Variants in TMTC2 observed in about 807,000 individuals in gnomAD.
TMTC2 encodes the protein protein O-mannosyl-transferase TMTC2.
Under a neutral mutation model 82.4 loss-of-function variants are expected in TMTC2, and 43 were observed. That is an observed-to-expected ratio of 0.52 (90% CI 0.41 to 0.67). The LOEUF is 0.67. TMTC2 is among the 30% of genes least tolerant of loss of function. The pLI is 0.00. For synonymous variants in TMTC2, 408 were observed against 381.9 expected (o/e 1.07, Z -0.80); for missense variants, 919 against 1,012.4 (o/e 0.91, Z 1.25).
At chr12:82,696,184 C>A (rs879711168) in intron 1 of TMTC2, among the ~76,000 whole-genome samples, 1 of 152,124 alleles carries the variant, frequency 6.6e-6, no homozygotes, top group African/African-American at 2.4e-5. Context: ...GATGAAGAAG[C>A]TTAATCAGGC....
chr12:82,939,621 A>G (rs1876593958), intron 4 of TMTC2, among the ~76,000 whole-genome samples: 1 of 152,198 alleles, frequency 6.6e-6, no homozygotes, highest in South Asian at 2.1e-4. Flanking sequence ...AAATTTACCT[A>G]AAGTGGATAT....
chr12:83,034,423 G>A (rs1316898076), intron 9 of TMTC2, among the ~76,000 whole-genome samples: 2 of 152,158 alleles, frequency 1.3e-5, no homozygotes, highest in Non-Finnish European at 2.9e-5. Flanking sequence ...ATGGGAGGAA[G>A]GGAGGCCACA....
At chr12:83,066,584 TAG>T (rs1049161146) in intron 11 of TMTC2, among the ~76,000 whole-genome samples, 2 of 151,838 alleles carry the variant, frequency 1.3e-5, no homozygotes, top group Non-Finnish European at 2.9e-5. Flanking sequence ...TTTGAGGAAA[TAG>T]AGTTGGGAGA....
At chr12:83,129,205 A>G (rs1225029098) in intron 11 of TMTC2, among the ~76,000 whole-genome samples, 2 of 152,216 alleles carry the variant, frequency 1.3e-5, no homozygotes, top group African/African-American at 4.8e-5. Flanking sequence ...ATGTTGAATA[A>G]TATTCTTAAA....
chr12:83,080,620 C>T (rs994885849), intron 11 of TMTC2, among the ~76,000 whole-genome samples: 7 of 152,136 alleles, frequency 4.6e-5, no homozygotes, highest in Admixed American at 1.3e-4. Flanking sequence ...CCCAGGCAGC[C>T]GGGTTTTTGA....
chr12:82,710,327 A>G (rs1195104542), intron 1 of TMTC2, among the ~76,000 whole-genome samples: 1 of 152,238 alleles, frequency 6.6e-6, no homozygotes, highest in Non-Finnish European at 1.5e-5. Flanking sequence ...TAAGAAAAAC[A>G]TGGCTTCCAA....
intron 1 of TMTC2, among the ~76,000 whole-genome samples, chr12:82,745,267 G>A (rs1875627231): frequency 1.3e-5 from 2 of 152,230 alleles, no homozygotes; most frequent in African/African-American, 4.8e-5. Context: ...TGGCTGTTCT[G>A]GAGATGGACA....
chr12:83,101,692 T>C (rs1884221516), intron 11 of TMTC2, among the ~76,000 whole-genome samples: 1 of 152,196 alleles, frequency 6.6e-6, no homozygotes, highest in Non-Finnish European at 1.5e-5. Context: ...TTACCGCCTT[T>C]GTTACCTTGA....
At chr12:83,030,209 T>C (rs772829856) in intron 8 of TMTC2, among the ~76,000 whole-genome samples, 1 of 152,180 alleles carries the variant, frequency 6.6e-6, no homozygotes, top group Non-Finnish European at 1.5e-5. Flanking sequence ...AGAATGAGGT[T>C]ACATAACAAT....
chr12:83,028,630 T>G (rs970600571), intron 8 of TMTC2, among the ~76,000 whole-genome samples: 2 of 152,186 alleles, frequency 1.3e-5, no homozygotes, highest in Non-Finnish European at 1.5e-5. Flanking sequence ...CTGTCCTCTT[T>G]TTTTTTTATT....
chr12:83,083,099 G>A (rs1883529154), intron 11 of TMTC2, among the ~76,000 whole-genome samples: 1 of 152,168 alleles, frequency 6.6e-6, no homozygotes, highest in African/African-American at 2.4e-5. Flanking sequence ...GCTTTTTACG[G>A]GAATGGGTAA....
intron 8 of TMTC2, among the ~76,000 whole-genome samples, chr12:83,016,705 G>C (rs1467984517): frequency 1.3e-5 from 2 of 152,082 alleles, no homozygotes; most frequent in African/African-American, 4.8e-5. Flanking sequence ...ATGATTCCTG[G>C]TAGTGAACTT....
At chr12:83,062,806 A>C (rs1016811647) in intron 11 of TMTC2, among the ~76,000 whole-genome samples, 1 of 151,832 alleles carries the variant, frequency 6.6e-6, no homozygotes, top group Non-Finnish European at 1.5e-5. Flanking sequence ...CTGGGAGCAC[A>C]AAGAGGAGGA....
At chr12:82,944,283 G>A (rs1458378813) in intron 4 of TMTC2, among the ~76,000 whole-genome samples, 1 of 151,822 alleles carries the variant, frequency 6.6e-6, no homozygotes, top group East Asian at 1.9e-4. Flanking sequence ...TAAGGAGATC[G>A]ATAGAAAAAA....
At chr12:83,005,429 G>C (rs965224535) in intron 8 of TMTC2, among the ~76,000 whole-genome samples, 1 of 152,050 alleles carries the variant, frequency 6.6e-6, no homozygotes, top group Non-Finnish European at 1.5e-5. Flanking sequence ...TCTGTGGTGG[G>C]GGAGATGGGA....
chr12:83,107,036 AAT>A (rs1884429357), intron 11 of TMTC2, among the ~76,000 whole-genome samples: 1 of 152,226 alleles, frequency 6.6e-6, no homozygotes, highest in African/African-American at 2.4e-5. Flanking sequence ...TTGTGTGGTT[AAT>A]GTTAGGGCAG....
chr12:83,082,646 A>C (rs1400879), intron 11 of TMTC2, among the ~76,000 whole-genome samples: 58,858 of 152,096 alleles, frequency 0.39, 11,428 homozygotes, highest in Middle Eastern at 0.43. Context: ...TTCTGTGTAC[A>C]ATAACAGCAT....
chr12:83,024,152 A>G (rs1471791389), intron 8 of TMTC2, among the ~76,000 whole-genome samples: 1 of 152,076 alleles, frequency 6.6e-6, no homozygotes, highest in Non-Finnish European at 1.5e-5. Context: ...GTTGATGGAC[A>G]CCCCACCTCA....
At chr12:82,705,713 C>A (rs1015396162) in intron 1 of TMTC2, among the ~76,000 whole-genome samples, 5 of 152,086 alleles carry the variant, frequency 3.3e-5, no homozygotes, top group Non-Finnish European at 7.4e-5. Flanking sequence ...GTGTGGGATG[C>A]CTTCAGCTCA....
Sources: allele counts gnomAD v4.1 joint callset (sites outside exome capture counted in the v4.1 genomes callset), GRCh38; gene constraint gnomAD v4.1.1; transcripts MANE v1.5; gene names NCBI Gene and HGNC (gene_info 2026-07-23, HGNC 2026-07-21).